Variants in ZCCHC2 observed in about 807,000 individuals in gnomAD.
ZCCHC2 encodes the protein zinc finger CCHC domain-containing protein 2.
In ZCCHC2, 39 loss-of-function variants were observed where a neutral mutation model predicts 103.6. The ratio of observed to expected loss-of-function variants is 0.38; its 90% CI spans 0.29 to 0.49. ZCCHC2 has a LOEUF of 0.49. Ranked by LOEUF, ZCCHC2 falls within the 20% of genes least tolerant of loss-of-function variation. ZCCHC2 has a pLI of 0.96. For missense variants in ZCCHC2, 1,483 were observed against 1,491.0 expected (o/e 0.99, Z 0.09); for synonymous variants, 687 against 608.9 (o/e 1.13, Z -1.89).
rs1289746024 is a variant in ZCCHC2 at position 62,566,264 on chromosome 18, TAAATTAAA to T, written c.1846+1172_1846+1179del. 2.0e-5 allele frequency among the ~76,000 whole-genome samples: 3 copies of T among 152,016 alleles called. No homozygotes were observed. In the South Asian group the frequency reaches 6.2e-4, roughly 31 times the overall value. On this transcript the variant is annotated intron_variant, in intron 11 of 13. Coordinates refer to ENST00000269499, the MANE Select transcript of ZCCHC2 (RefSeq NM_017742.6). ...CCATCTCAAATAAATAAATAAATAA[TAAATTAAA>T]AAACTAAAATCATCTGGCCAACTCA...
chr18:62,582,108 G>A (rs1005894434), downstream of ZCCHC2, among the ~76,000 whole-genome samples: 23 of 152,108 alleles, frequency 1.5e-4, no homozygotes, highest in African/African-American at 5.5e-4. Flanking sequence ...GGATCAGACT[G>A]GAGAATTTGG....
chr18:62,564,710 T>C, intron 10 of ZCCHC2, 75 bp downstream of exon 10: 1 of 1,118,770 alleles, frequency 8.9e-7, no homozygotes, highest in Middle Eastern at 2.1e-4. Flanking sequence ...GTATACAACA[T>C]AGTATTTTTT....
rs368345440 is a variant in ZCCHC2, at chr18:62,542,609, G to A, written c.1128+35G>A. 124 of 1,518,496 alleles carry A rather than the reference G, an allele frequency of 8.2e-5. 1 individual carries two copies. The African/African-American group carries it at 1.2e-3, about 15-fold the overall frequency. 94.1% of individuals were successfully genotyped at this position (1,518,496 alleles called of 1,614,324 possible). Reference sequence around the variant, plus strand: ...TTTCCCCACAAAAGATACCTCACGTGCTGTGCTCAATGATCTTTGGGAAAA... The same window carrying A: ...TTTCCCCACAAAAGATACCTCACGTACTGTGCTCAATGATCTTTGGGAAAA... On this transcript the variant is annotated intron_variant, in intron 3 of 13. Transcript: ENST00000269499.
At position 62,524,255 on chromosome 18, in the gene ZCCHC2, G is replaced by C; in HGVS notation, c.831G>C (p.Arg277=). 1 of 1,550,144 alleles carries C rather than the reference G, an allele frequency of 6.5e-7. No individual in the cohort carries two copies. Among genetic ancestry groups the C allele is most frequent in the South Asian group, 1.2e-5 (1 of 84,062 alleles). ...SLHPAFSFHQ[R]VTLREHLERL... is the part of the protein sequence containing the mutation. ...ACCCGGCTTTCTCCTTCCACCAGCG[G>C]GTCACCCTGAGGGAACACTTGGAGA... Residue 277 remains arginine, a synonymous_variant, in exon 1 of 14, where the codon CGG becomes CGC. Transcript: ENST00000269499.
chr18:62,586,453 G>C (rs973711623), exon 15 of ZCCHC2: 4 of 151,198 alleles, frequency 2.6e-5, no homozygotes, highest in African/African-American at 9.7e-5. Context: ...AGAAAGTCTC[G>C]GACTCCTCTC....
chr18:62,551,361 T>A (rs1273105841), intron 5 of ZCCHC2: 1 of 152,254 alleles, frequency 6.6e-6, no homozygotes, highest in Non-Finnish European at 1.5e-5. Context: ...ATTTTTTAAA[T>A]GTTTCCCGGC....
rs745842831 is a variant in ZCCHC2, at chr18:62,523,471, C to T, written c.47C>T (p.Pro16Leu). ...CTGAAGCCAACGCACCCCGCGGAGC[C>T]GCCGCCCGAGGCGGAGGAGCCCGAG... ...LPLKPTHPAEPPPEAEEPEAD... is the reference protein window; with the variant it reads ...LPLKPTHPAELPPEAEEPEAD... The change falls in exon 1 of 14, where the codon CCG (proline) becomes CTG (leucine). Residue 16 changes from proline to leucine, a missense_variant. Transcript: ENST00000269499. 1.1e-4 allele frequency: 121 copies of T among 1,090,818 alleles called. No homozygotes were observed. The highest frequency in any genetic ancestry group is 1.3e-4 in the Non-Finnish European group (116 of 886,312). The allele number at this position is 1,090,818 out of a possible 1,614,324, so 67.6% of individuals were successfully genotyped here.
intron 4 of ZCCHC2, among the ~76,000 whole-genome samples, chr18:62,547,096 A>C (rs993903242): frequency 2.6e-5 from 4 of 152,088 alleles, no homozygotes; most frequent in African/African-American, 9.7e-5. Context: ...AGGCTGAGGC[A>C]GGTGGATCAT....
intron 1 of ZCCHC2, among the ~76,000 whole-genome samples, chr18:62,535,530 G>C (rs1279510562): frequency 6.6e-6 from 1 of 152,090 alleles, no homozygotes; most frequent in East Asian, 1.9e-4. Flanking sequence ...TCTGTTCTAG[G>C]GTGTCTGGGA....
intron 1 of ZCCHC2, among the ~76,000 whole-genome samples, chr18:62,528,637 G>C (rs976851796): frequency 6.6e-6 from 1 of 151,878 alleles, no homozygotes; most frequent in Non-Finnish European, 1.5e-5. Flanking sequence ...TCATAGCGTA[G>C]TTTAGTTAGC....
intron 11 of ZCCHC2, among the ~76,000 whole-genome samples, chr18:62,569,065 C>T (rs910065471): frequency 6.6e-6 from 1 of 152,098 alleles, no homozygotes; most frequent in South Asian, 2.1e-4. Context: ...TGCAGTTTTC[C>T]CTTGACAGTT....
chr18:62,555,653 ACAAAATTAGC>A (rs1447395572), intron 5 of ZCCHC2, among the ~76,000 whole-genome samples: 2 of 152,196 alleles, frequency 1.3e-5, no homozygotes, highest in Non-Finnish European at 2.9e-5. Context: ...TACTAAAAAT[ACAAAATTAGC>A]CAGGCGTGGT....
chr18:62,544,916 T>C (rs1213949236), intron 4 of ZCCHC2, 43 bp downstream of exon 4: 5 of 1,443,114 alleles, frequency 3.5e-6, no homozygotes, highest in East Asian at 5.3e-5. Context: ...TTATATAATA[T>C]ACAGAATCCA....
intron 1 of ZCCHC2, among the ~76,000 whole-genome samples, chr18:62,530,016 G>A (rs1568536954): frequency 6.6e-6 from 1 of 152,304 alleles, no homozygotes; most frequent in East Asian, 1.9e-4. Flanking sequence ...ACAGGAGAGT[G>A]TACATAGGTT....
In ZCCHC2 at chr18:62,541,583, C is replaced by CTT. The variant is rs1455932989; in HGVS notation, c.1052-913_1052-912dup. 2.6e-5 allele frequency among the ~76,000 whole-genome samples: 4 copies of CTT among 152,060 alleles called. No homozygotes were observed. In the East Asian group the frequency reaches 7.7e-4, roughly 29 times the overall value. On this transcript the variant is annotated intron_variant, in intron 2 of 13. Transcript: ENST00000269499. ...CCCCCACACCCATTCTGTTGAGTTA[C>CTT]TTTCCTAACCTCTTCTCTGTAACCT...
At chr18:62,524,826 C>G (rs1914289057) in intron 1 of ZCCHC2, 1 of 161,872 alleles carries the variant, frequency 6.2e-6, no homozygotes, top group Non-Finnish European at 1.3e-5. Flanking sequence ...CCTCCCGTCT[C>G]CGGGCTCTGC....
At chr18:62,555,041 T>C (rs988977381) in intron 5 of ZCCHC2, among the ~76,000 whole-genome samples, 3 of 152,186 alleles carry the variant, frequency 2.0e-5, no homozygotes, top group Non-Finnish European at 4.4e-5. Flanking sequence ...ACTAATAGAA[T>C]GGGATTTGTA....
At chr18:62,571,256 G>A (rs1407732614) in intron 12 of ZCCHC2, among the ~76,000 whole-genome samples, 1 of 152,178 alleles carries the variant, frequency 6.6e-6, no homozygotes, top group Non-Finnish European at 1.5e-5. Flanking sequence ...TGGGGAACTC[G>A]AAACCCATAC....
chr18:62,566,170 G>A (rs192657722), intron 11 of ZCCHC2, among the ~76,000 whole-genome samples: 32 of 152,258 alleles, frequency 2.1e-4, no homozygotes, highest in African/African-American at 7.5e-4. Context: ...GCTTGAACCC[G>A]GGAGGCAGAG....
Sources: allele counts gnomAD v4.1 joint callset (sites outside exome capture counted in the v4.1 genomes callset), GRCh38; gene constraint gnomAD v4.1.1; transcripts MANE v1.5; gene names NCBI Gene and HGNC (gene_info 2026-07-23, HGNC 2026-07-21).